CCDC93: variants seen among roughly 807,000 people sequenced by gnomAD.
CCDC93 encodes the protein coiled-coil domain-containing protein 93.
CCDC93 carries 61 observed loss-of-function variants against 108.2 expected under a neutral mutation model. The ratio of observed to expected loss-of-function variants is 0.56; its 90% CI spans 0.46 to 0.70. The LOEUF (loss-of-function observed/expected upper bound fraction) is 0.70. Ranked by LOEUF, CCDC93 falls within the 30% of genes least tolerant of loss-of-function variation. CCDC93 has a pLI of 0.00. For missense variants in CCDC93, 685 were observed against 764.2 expected, an observed-to-expected ratio of 0.90 and a Z score of 1.22; for synonymous variants, 276 against 260.4, an observed-to-expected ratio of 1.06 and a Z score of -0.58.
chr2:117,944,715 C>A (rs945262506), intron 17 of CCDC93: 16 of 470,870 alleles, frequency 3.4e-5, no homozygotes, highest in Non-Finnish European at 6.2e-5. Flanking sequence ...TATAAACACA[C>A]CCCCCTACCC....
At chr2:117,950,029 G>A in intron 13 of CCDC93, 1 of 985,402 alleles carries the variant, frequency 1.0e-6, no homozygotes, top group Non-Finnish European at 1.2e-6. Context: ...AGGCAGGGCG[G>A]GGTCCCACAT....
chr2:117,949,253 T>G, intron 14 of CCDC93, 69 bp downstream of exon 14: 1 of 1,072,150 alleles, frequency 9.3e-7, no homozygotes. Context: ...TTTAAACAAA[T>G]TAAGCCAACA....
chr2:117,930,238 T>C (rs1678281967), intron 23 of CCDC93, among the ~76,000 whole-genome samples: 1 of 152,218 alleles, frequency 6.6e-6, no homozygotes, highest in African/African-American at 2.4e-5. Flanking sequence ...GGATACAATC[T>C]ACCTTTAACT....
intron 3 of CCDC93, among the ~76,000 whole-genome samples, chr2:118,003,185 G>A (rs1676759712): frequency 6.6e-6 from 1 of 152,230 alleles, no homozygotes; most frequent in Non-Finnish European, 1.5e-5. Context: ...CCCCACAGGG[G>A]AAGCCAGTGG....
intron 17 of CCDC93, 45 bp from the exon 18 acceptor site, chr2:117,944,131 T>C (rs1678795216): frequency 7.2e-7 from 1 of 1,394,800 alleles, no homozygotes; most frequent in Admixed American, 2.0e-5. Context: ...TAGAAAACTT[T>C]CACTCTTTAA....
intron 2 of CCDC93, among the ~76,000 whole-genome samples, chr2:118,007,474 A>C (rs1346829321): frequency 6.6e-6 from 1 of 152,238 alleles, no homozygotes; most frequent in South Asian, 2.1e-4. Flanking sequence ...GTTTGAGACC[A>C]GCCTGGCCAA....
chr2:117,938,897 C>T (rs1678607771), intron 20 of CCDC93, 132 bp downstream of exon 20: 1 of 571,196 alleles, frequency 1.8e-6, no homozygotes, highest in Non-Finnish European at 3.2e-6. Flanking sequence ...TATGCCAGCA[C>T]TTAGCATATA....
In CCDC93 at chr2:117,944,069, C is replaced by A. The variant is rs577897813; in HGVS notation, c.1368G>T (p.Arg456=). ...AMTHDEDLDR[R]YNMEKEKLYK... Reference sequence around the variant, plus strand: ...AAAGTTTCTCTTTCTCCATATTATACCGTCTGTCTAGGTCTTCCTAAAAAT... The same window carrying A: ...AAAGTTTCTCTTTCTCCATATTATAACGTCTGTCTAGGTCTTCCTAAAAAT... Residue 456 remains arginine, a synonymous_variant, in exon 18 of 24, where the codon CGG becomes CGT. Coordinates refer to ENST00000376300, the MANE Select transcript of CCDC93 (RefSeq NM_019044.5). 13 of 1,605,088 alleles carry A rather than the reference C, an allele frequency of 8.1e-6. No homozygotes were observed. In the South Asian group the frequency reaches 1.2e-4, roughly 15 times the overall value.
chr2:117,963,627 G>C (rs1679462909), intron 11 of CCDC93, among the ~76,000 whole-genome samples: 1 of 152,170 alleles, frequency 6.6e-6, no homozygotes, highest in South Asian at 2.1e-4. Context: ...CTAAGGCTTT[G>C]CTTTGGGTCC....
At chr2:117,996,065 T>C (rs925188622) in intron 5 of CCDC93, among the ~76,000 whole-genome samples, 199 bp downstream of exon 5, 1 of 152,184 alleles carries the variant, frequency 6.6e-6, no homozygotes, top group Non-Finnish European at 1.5e-5. Context: ...ATAAAAGCTC[T>C]AGATCAAACA....
chr2:117,959,786 G>T (rs1229932364), intron 11 of CCDC93, among the ~76,000 whole-genome samples: 5 of 152,172 alleles, frequency 3.3e-5, no homozygotes, highest in Non-Finnish European at 7.4e-5. Flanking sequence ...TGAAACCTGG[G>T]ACTGTGTAAA....
intron 20 of CCDC93, 157 bp from the exon 21 acceptor site, chr2:117,936,896 C>T (rs1678544870): frequency 3.1e-6 from 2 of 645,104 alleles, no homozygotes; most frequent in Admixed American, 2.5e-5. Flanking sequence ...AAAAAATTAG[C>T]CACATGTTCT....
intron 6 of CCDC93, among the ~76,000 whole-genome samples, chr2:117,986,819 G>C (rs1680333736): frequency 6.6e-6 from 1 of 152,104 alleles, no homozygotes; most frequent in South Asian, 2.1e-4. Flanking sequence ...ATATTCCCCA[G>C]TTTACTGCTG....
At chr2:117,942,463 C>A (rs1263068785) in intron 18 of CCDC93, among the ~76,000 whole-genome samples, 1 of 152,152 alleles carries the variant, frequency 6.6e-6, no homozygotes, top group Non-Finnish European at 1.5e-5. Context: ...CTCCCCAGTG[C>A]CCCACTGAAC....
intron 20 of CCDC93, 58 bp downstream of exon 20, chr2:117,938,971 C>G (rs1678611281): frequency 2.2e-6 from 2 of 890,602 alleles, no homozygotes; most frequent in African/African-American, 1.7e-5. Context: ...CATTTGACTT[C>G]CTGGAGTCAA....
At chr2:117,950,252 T>C (rs771394652) in intron 13 of CCDC93, 1 of 985,342 alleles carries the variant, frequency 1.0e-6, no homozygotes, top group Non-Finnish European at 1.2e-6. Context: ...AAGACAGACA[T>C]AACCTTAAAA....
chr2:118,008,109 G>A (rs1264549027), intron 2 of CCDC93, among the ~76,000 whole-genome samples: 2 of 152,142 alleles, frequency 1.3e-5, no homozygotes, highest in Admixed American at 6.5e-5. Context: ...AGGTTCTGCT[G>A]AATTAAAAGA....
intron 4 of CCDC93, chr2:117,997,728 G>C (rs943082162): frequency 1.2e-4 from 18 of 152,274 alleles, no homozygotes; most frequent in African/African-American, 1.4e-4. Context: ...AGATCAGAGA[G>C]TATTGAGAAC....
chr2:117,946,661 C>G, intron 16 of CCDC93, 150 bp downstream of exon 16: 1 of 612,230 alleles, frequency 1.6e-6, no homozygotes, highest in Non-Finnish European at 2.9e-6. Flanking sequence ...GAGATGGATA[C>G]AAATCTAAGA....
Sources: allele counts gnomAD v4.1 joint callset (sites outside exome capture counted in the v4.1 genomes callset), GRCh38; gene constraint gnomAD v4.1.1; transcripts MANE v1.5; gene names NCBI Gene and HGNC (gene_info 2026-07-23, HGNC 2026-07-21).